ADGRL3: variants seen among roughly 807,000 people sequenced by gnomAD.
ADGRL3 encodes the protein calcium-independent alpha-latrotoxin receptor 3.
Under a neutral mutation model 153.5 loss-of-function variants are expected in ADGRL3, and 62 were observed. The ratio of observed to expected loss-of-function variants is 0.40; its 90% CI spans 0.33 to 0.50. ADGRL3 has a LOEUF of 0.50. Among genes scored for constraint, ADGRL3 ranks in the 20% least tolerant of loss-of-function variants. ADGRL3 has a pLI of 0.47. For synonymous variants in ADGRL3, 710 were observed against 672.5 expected (o/e 1.06, Z -0.86); for missense variants, 1,641 against 1,859.4 (o/e 0.88, Z 2.16).
intron 5 of ADGRL3, among the ~76,000 whole-genome samples, chr4:61,655,128 A>G (rs1028705414): frequency 6.6e-6 from 1 of 152,262 alleles, no homozygotes; most frequent in Non-Finnish European, 1.5e-5. Flanking sequence ...GTACTCACAC[A>G]TAGTATATGA....
chr4:61,252,034 C>A (rs918890158), intron 1 of ADGRL3, among the ~76,000 whole-genome samples: 1 of 151,952 alleles, frequency 6.6e-6, no homozygotes, highest in East Asian at 1.9e-4. Context: ...CAGGCACCTG[C>A]CACCATGCCC....
At chr4:61,409,403 TA>T (rs2097055754) in intron 2 of ADGRL3, among the ~76,000 whole-genome samples, 1 of 32,936 alleles carries the variant, frequency 3.0e-5, no homozygotes, top group Non-Finnish European at 2.2e-4. Flanking sequence ...TAGACATACA[TA>T]ATATATATAT....
At chr4:61,701,638 T>C (rs984148007) in intron 6 of ADGRL3, among the ~76,000 whole-genome samples, 19 of 151,820 alleles carry the variant, frequency 1.3e-4, no homozygotes, top group African/African-American at 2.4e-4. Flanking sequence ...GGTTTCACTA[T>C]GTTGGCCAGG....
intron 9 of ADGRL3, among the ~76,000 whole-genome samples, chr4:61,879,745 G>A (rs765482713): frequency 1.3e-5 from 2 of 151,734 alleles, no homozygotes; most frequent in Non-Finnish European, 2.9e-5. Flanking sequence ...TTTGAAACAC[G>A]GTCTCATTCT....
chr4:61,708,477 A>T (rs578112922), intron 6 of ADGRL3, among the ~76,000 whole-genome samples: 99 of 87,306 alleles, frequency 1.1e-3, no homozygotes, highest in African/African-American at 6.1e-3. Context: ...AAAGTTTTAC[A>T]GTCTTTGTTT....
At chr4:61,653,829 G>A (rs1015121584) in intron 5 of ADGRL3, among the ~76,000 whole-genome samples, 3 of 152,166 alleles carry the variant, frequency 2.0e-5, no homozygotes, top group Admixed American at 1.3e-4. Flanking sequence ...GGGACATGAA[G>A]TGGGCGCACA....
At chr4:61,788,029 C>T (rs576029367) in intron 8 of ADGRL3, among the ~76,000 whole-genome samples, 1 of 152,270 alleles carries the variant, frequency 6.6e-6, no homozygotes, top group Admixed American at 6.5e-5. Flanking sequence ...TCTTTATTCA[C>T]TTGTTGATTG....
chr4:61,786,789 A>T (rs1010331731), intron 8 of ADGRL3, among the ~76,000 whole-genome samples: 2 of 152,158 alleles, frequency 1.3e-5, no homozygotes, highest in African/African-American at 4.8e-5. Flanking sequence ...ATGCTTTCAC[A>T]TATCTAGGCA....
intron 13 of ADGRL3, among the ~76,000 whole-genome samples, chr4:61,913,692 T>A (rs2098732618): frequency 6.6e-6 from 1 of 152,160 alleles, no homozygotes; most frequent in Admixed American, 6.5e-5. Flanking sequence ...TTTGTTTGTT[T>A]ATGCCTTTCC....
At chr4:61,397,626 G>C (rs1012223981) in intron 2 of ADGRL3, among the ~76,000 whole-genome samples, 14 of 151,714 alleles carry the variant, frequency 9.2e-5, no homozygotes, top group African/African-American at 3.4e-4. Flanking sequence ...AAGATTCTGG[G>C]TGAGAACAAT....
At chr4:61,993,445 C>T (rs1581785210) in intron 19 of ADGRL3, among the ~76,000 whole-genome samples, 1 of 151,678 alleles carries the variant, frequency 6.6e-6, no homozygotes, top group East Asian at 2.0e-4. Context: ...GCATGCATCA[C>T]CAGGTCCGGC....
intron 6 of ADGRL3, among the ~76,000 whole-genome samples, chr4:61,690,358 G>T (rs141986358): frequency 2.6e-5 from 4 of 152,132 alleles, no homozygotes; most frequent in Non-Finnish European, 2.9e-5. Flanking sequence ...TTGGAAGATT[G>T]CTTGAGCCCA....
intron 4 of ADGRL3, among the ~76,000 whole-genome samples, chr4:61,581,350 C>T (rs2098924347): frequency 6.6e-6 from 1 of 151,862 alleles, no homozygotes; most frequent in Non-Finnish European, 1.5e-5. Context: ...CATTACATGT[C>T]TCATTAGCAT....
chr4:61,809,276 T>G (rs1475991500), intron 8 of ADGRL3, among the ~76,000 whole-genome samples: 1 of 152,152 alleles, frequency 6.6e-6, no homozygotes, highest in Non-Finnish European at 1.5e-5. Flanking sequence ...GTGTTTATTT[T>G]CCCAATTGCA....
chr4:61,723,500 C>G (rs919255222), intron 6 of ADGRL3, among the ~76,000 whole-genome samples: 5 of 152,088 alleles, frequency 3.3e-5, no homozygotes, highest in African/African-American at 1.2e-4. Flanking sequence ...GTCAGTTATA[C>G]TGGGAGGCTG....
At chr4:62,049,209 G>T (rs766502677) in intron 25 of ADGRL3, among the ~76,000 whole-genome samples, 2 of 152,056 alleles carry the variant, frequency 1.3e-5, no homozygotes, top group Non-Finnish European at 2.9e-5. Flanking sequence ...TCACAAAAGA[G>T]TGCCCCATTC....
chr4:61,432,938 C>A (rs2097393308), intron 2 of ADGRL3, among the ~76,000 whole-genome samples: 1 of 151,868 alleles, frequency 6.6e-6, no homozygotes. Context: ...CAGGTGTGAG[C>A]CACTGCGCCA....
intron 2 of ADGRL3, among the ~76,000 whole-genome samples, chr4:61,419,643 T>C (rs1270620219): frequency 7.9e-5 from 12 of 152,346 alleles, no homozygotes; most frequent in African/African-American, 2.4e-5. Context: ...TCAATTTGTT[T>C]TTCTCATCAA....
At chr4:61,563,721 C>G (rs770317055) in intron 4 of ADGRL3, among the ~76,000 whole-genome samples, 1 of 152,066 alleles carries the variant, frequency 6.6e-6, no homozygotes, top group Non-Finnish European at 1.5e-5. Flanking sequence ...TTTTTTAAAA[C>G]CTCATGGGCC....
Sources: allele counts gnomAD v4.1 joint callset (sites outside exome capture counted in the v4.1 genomes callset), GRCh38; gene constraint gnomAD v4.1.1; transcripts MANE v1.5; gene names NCBI Gene and HGNC (gene_info 2026-07-23, HGNC 2026-07-21).